MKLN1: variants seen among roughly 807,000 people sequenced by gnomAD.
MKLN1 encodes muskelin.
Under a neutral mutation model 99.0 loss-of-function variants are expected in MKLN1, and 18 were observed. That is an observed-to-expected ratio of 0.18 (90% CI 0.13 to 0.27). The LOEUF (loss-of-function observed/expected upper bound fraction) is 0.27, where lower values mean the gene tolerates loss of function less well. Among genes scored for constraint, MKLN1 ranks in the 10% least tolerant of loss-of-function variants. MKLN1 has a pLI of 1.00. For synonymous variants in MKLN1, 288 were observed against 293.2 expected (o/e 0.98, Z 0.18); for missense variants, 621 against 875.9 (o/e 0.71, Z 3.67).
chr7:131,199,190 T>C (rs1584828069), intron 2 of MKLN1, among the ~76,000 whole-genome samples: 1 of 151,794 alleles, frequency 6.6e-6, no homozygotes, highest in Non-Finnish European at 1.5e-5. Flanking sequence ...ATAGCTGAAT[T>C]GAGGGTTAAA....
At chr7:131,403,698 C>T (rs1423698121) in intron 6 of MKLN1, among the ~76,000 whole-genome samples, 1 of 151,978 alleles carries the variant, frequency 6.6e-6, no homozygotes, top group Non-Finnish European at 1.5e-5. Flanking sequence ...TAGGGAGGCC[C>T]AAAGAGAGGG....
intron 3 of MKLN1, among the ~76,000 whole-genome samples, chr7:131,294,515 C>G (rs889265105): frequency 1.3e-5 from 2 of 152,152 alleles, no homozygotes; most frequent in Non-Finnish European, 2.9e-5. Flanking sequence ...TCTCTACTGC[C>G]TGGCTCTTCA....
intron 15 of MKLN1, among the ~76,000 whole-genome samples, chr7:131,466,693 A>C (rs1222182539): frequency 6.6e-6 from 1 of 152,212 alleles, no homozygotes; most frequent in African/African-American, 2.4e-5. Flanking sequence ...AAGTAACTAA[A>C]AGCTAACTAC....
At chr7:131,200,177 G>A (rs779431155) in intron 2 of MKLN1, among the ~76,000 whole-genome samples, 1 of 152,134 alleles carries the variant, frequency 6.6e-6, no homozygotes, top group Admixed American at 6.5e-5. Flanking sequence ...CTGACCTAAT[G>A]TGTTACTTTT....
intron 3 of MKLN1, among the ~76,000 whole-genome samples, chr7:131,305,469 G>T (rs1465312969): frequency 1.3e-5 from 2 of 152,040 alleles, no homozygotes; most frequent in Non-Finnish European, 2.9e-5. Flanking sequence ...AAATATTCTG[G>T]GTCTGTCACT....
At chr7:131,321,657 G>C (rs562666549) in intron 3 of MKLN1, among the ~76,000 whole-genome samples, 1 of 152,188 alleles carries the variant, frequency 6.6e-6, no homozygotes, top group African/African-American at 2.4e-5. Flanking sequence ...TGTTATTCCT[G>C]GCTTTTGAAC....
intron 1 of MKLN1, among the ~76,000 whole-genome samples, chr7:131,356,361 C>T (rs1456308899): frequency 6.6e-6 from 1 of 152,122 alleles, no homozygotes; most frequent in Non-Finnish European, 1.5e-5. Flanking sequence ...TGATGGTCGC[C>T]TAACACTCCT....
intron 2 of MKLN1, among the ~76,000 whole-genome samples, chr7:131,191,353 G>T (rs33982527): frequency 0.23 from 34,515 of 152,088 alleles, 4,104 homozygotes; most frequent in Admixed American, 0.26. Flanking sequence ...CTTGCATCAA[G>T]CCGGCGAAGA....
Position 131,463,279 on chromosome 7 carries a change from T to C in MKLN1, c.1588T>C (p.Leu530=). The change falls in exon 13 of 18, where the codon TTA becomes CTA. Residue 530 remains leucine (L), a synonymous_variant. Coordinates refer to ENST00000352689, the MANE Select transcript of MKLN1 (RefSeq NM_013255.5). ...IDPELNEIHV[L]SGLSKDKEKR... ...TCCAGAACTGAATGAAATACACGTC[T>C]TATCTGGACTCAGCAAAGATAAGGA... 6.2e-7 allele frequency: 1 copy of C among 1,612,110 alleles called. No individual in the cohort carries two copies. Among genetic ancestry groups the C allele is most frequent in the Non-Finnish European group, 8.5e-7 (1 of 1,178,916 alleles).
At chr7:131,148,100 G>A (rs1350245973) in intron 2 of MKLN1, among the ~76,000 whole-genome samples, 3 of 152,096 alleles carry the variant, frequency 2.0e-5, no homozygotes, top group Admixed American at 1.3e-4. Flanking sequence ...CCTGGCTGGA[G>A]TGCAGTGGCA....
rs1285053440 is a variant in MKLN1, at chr7:131,308,773, C to T, written c.-178-66651C>T. Among the ~76,000 whole-genome samples the T allele has an allele frequency of 2.6e-5, 4 of 151,724 alleles. No individual in the cohort carries two copies. The South Asian group carries it at 8.3e-4, about 31-fold the overall frequency. On this transcript the variant is annotated intron_variant, in intron 3 of 7. Transcript: ENST00000416992. The stretch of plus-strand genomic sequence containing the variant: ...GCTAATTTTGTATTTTTAGTAGAGA[C>T]AGGGTTTCTCCATGTTAGTCAAGCT...
chr7:131,298,011 C>T (rs1174160845), intron 3 of MKLN1, among the ~76,000 whole-genome samples: 1 of 152,174 alleles, frequency 6.6e-6, no homozygotes, highest in Non-Finnish European at 1.5e-5. Context: ...CGGCCGGGCG[C>T]GGTGGCTCAC....
chr7:131,487,554 T>C lies in MKLN1; in HGVS notation c.2087-53T>C, dbSNP rs919663117. On this transcript the variant is annotated intron_variant, in intron 17 of 17. Coordinates refer to ENST00000352689, the MANE Select transcript of MKLN1 (RefSeq NM_013255.5). The surrounding 1 kb of genome is among the most constrained non-coding windows in gnomAD (Gnocchi z 4.7). ...CATTGCTGCTGGTCTCAACTAGTTT[T>C]TCTGTTACATGTTTTAAACACAATG... The C allele has an allele frequency of 2.5e-6, 4 of 1,576,676 alleles. 1 individual carries two copies. Among genetic ancestry groups the C allele is most frequent in the South Asian group, 2.3e-5 (2 of 85,894 alleles).
chr7:131,126,270 G>A (rs1795456571), intron 1 of MKLN1, among the ~76,000 whole-genome samples: 1 of 152,012 alleles, frequency 6.6e-6, no homozygotes, highest in Non-Finnish European at 1.5e-5. Flanking sequence ...TGAGGTCTGG[G>A]AAAAGTATTG....
intron 1 of MKLN1, among the ~76,000 whole-genome samples, chr7:131,355,642 A>ATATATATATATATATATATATATG (rs1799852128): frequency 6.8e-6 from 1 of 147,412 alleles, no homozygotes; most frequent in Non-Finnish European, 1.5e-5. Flanking sequence ...ATATATATAT[A>ATATATATATATATATATATATATG]TATATATGCT....
chr7:131,230,837 T>C (rs757186753), intron 3 of MKLN1, among the ~76,000 whole-genome samples: 7 of 151,956 alleles, frequency 4.6e-5, no homozygotes, highest in Non-Finnish European at 8.8e-5. Context: ...TATGTCTCTT[T>C]TGGCCGGGCA....
intron 1 of MKLN1, among the ~76,000 whole-genome samples, chr7:131,349,480 C>G (rs536987521): frequency 6.6e-6 from 1 of 152,182 alleles, no homozygotes; most frequent in African/African-American, 2.4e-5. Flanking sequence ...AGGCATGAGC[C>G]GCCGCACCCG....
At chr7:131,186,937 C>T (rs898733627) in intron 2 of MKLN1, among the ~76,000 whole-genome samples, 1 of 152,078 alleles carries the variant, frequency 6.6e-6, no homozygotes, top group Non-Finnish European at 1.5e-5. Flanking sequence ...AGCGTGTAGG[C>T]GTTAGCCAGT....
intron 3 of MKLN1, among the ~76,000 whole-genome samples, chr7:131,296,457 T>C (rs972017703): frequency 2.0e-5 from 3 of 152,224 alleles, no homozygotes; most frequent in South Asian, 2.1e-4. Context: ...TTAACAGTGC[T>C]TGCCTTGTGA....
Sources: gnomAD v4.1 joint callset for allele counts (sites outside exome capture counted in the v4.1 genomes callset) on GRCh38, gnomAD v4.1.1 for gene constraint, Gnocchi (gnomAD v3.1) non-coding constraint, MANE v1.5 for transcripts, NCBI Gene and HGNC (gene_info 2026-07-23, HGNC 2026-07-21) for gene names.